The following BMPER variants were observed in gnomAD, a reference collection of about 807,000 sequenced individuals.
BMPER encodes BMP binding endothelial regulator.
Under a neutral mutation model 87.3 loss-of-function variants are expected in BMPER, and 45 were observed. The observed-to-expected ratio is 0.52, with a 90% CI of 0.41 to 0.66. The LOEUF is 0.66. BMPER is among the 30% of genes least tolerant of loss of function. The pLI is 0.00. For synonymous variants in BMPER, 326 were observed against 316.2 expected, an observed-to-expected ratio of 1.03 and a Z score of -0.33; for missense variants, 784 against 867.5, an observed-to-expected ratio of 0.90 and a Z score of 1.21.
In BMPER at chr7:34,056,064, A is replaced by T. The variant is rs545528830; in HGVS notation, c.927+761A>T. 5.9e-5 allele frequency among the ~76,000 whole-genome samples: 9 copies of T among 152,364 alleles called. No individual in the cohort carries two copies. The East Asian group carries it at 1.5e-3, about 26-fold the overall frequency. Reference sequence around the variant, plus strand: ...AGTCAGTTGTGGTAGCTCTGCAGGCATGCTGCACTGAGCCACACTTCCTAT... The same window carrying T: ...AGTCAGTTGTGGTAGCTCTGCAGGCTTGCTGCACTGAGCCACACTTCCTAT... On this transcript the variant is annotated intron_variant, in intron 9 of 14. Coordinates refer to ENST00000649409, the MANE Select transcript of BMPER (RefSeq NM_001365308.1).
At position 34,099,015 on chromosome 7, in the gene BMPER, G is replaced by C. The variant is rs527420192; in HGVS notation, c.1745+12923G>C. On this transcript the variant is annotated intron_variant, in intron 13 of 14. Coordinates refer to ENST00000649409, the MANE Select transcript of BMPER (RefSeq NM_001365308.1). ...TGATTGAACATGTGCGATGTGCCTG[G>C]AAGTCTGGGAAGCCTGATTTGTATT... Among the ~76,000 whole-genome samples, 8 of 152,314 alleles carry C rather than the reference G, an allele frequency of 5.3e-5. No individual in the cohort carries two copies. In the East Asian group the frequency reaches 1.5e-3, roughly 29 times the overall value.
chr7:34,071,680 T>A (rs1230147910), intron 11 of BMPER, among the ~76,000 whole-genome samples: 1 of 152,202 alleles, frequency 6.6e-6, no homozygotes, highest in Non-Finnish European at 1.5e-5. Context: ...ATGAACTGCA[T>A]ATTAACATTC....
At chr7:34,065,249 C>CCT (rs369918842) in intron 11 of BMPER, among the ~76,000 whole-genome samples, 9 of 58,494 alleles carry the variant, frequency 1.5e-4, no homozygotes, top group African/African-American at 3.0e-4. Context: ...TCTCTCTCTC[C>CCT]CTCTCTCTCT....
At position 34,113,701 on chromosome 7, in the gene BMPER, C is replaced by T. The variant is rs1031081593; in HGVS notation, c.1745+27609C>T. Reference sequence around the variant, plus strand: ...GTAGCGTGCCACAGGCTTTGTATATCTATTTCATGGGCTTCTAATAGTAAG... The same window carrying T: ...GTAGCGTGCCACAGGCTTTGTATATTTATTTCATGGGCTTCTAATAGTAAG... On this transcript the variant is annotated intron_variant, in intron 13 of 14. Coordinates refer to ENST00000649409, the MANE Select transcript of BMPER (RefSeq NM_001365308.1). 2.6e-5 allele frequency among the ~76,000 whole-genome samples: 4 copies of T among 152,066 alleles called. No individual in the cohort carries two copies. The East Asian group carries it at 7.7e-4, about 29-fold the overall frequency.
chr7:33,917,953 G>C (rs994756799), intron 2 of BMPER, among the ~76,000 whole-genome samples: 1 of 152,134 alleles, frequency 6.6e-6, no homozygotes. Context: ...AAAACCCAAA[G>C]CTGCTCTTCC....
chr7:34,029,394 C>A (rs1324370707), intron 6 of BMPER, among the ~76,000 whole-genome samples: 1 of 152,076 alleles, frequency 6.6e-6, no homozygotes, highest in Admixed American at 6.6e-5. Flanking sequence ...GCAATCTCCA[C>A]CCCTGCCTCA....
chr7:34,031,883 C>CATATAT (rs757962483), intron 6 of BMPER, among the ~76,000 whole-genome samples: 6 of 53,064 alleles, frequency 1.1e-4, no homozygotes, highest in Admixed American at 2.6e-4. Context: ...TTAATTTGAC[C>CATATAT]ATATATATAT....
At chr7:33,994,282 C>T (rs994479508) in intron 6 of BMPER, among the ~76,000 whole-genome samples, 12 of 152,192 alleles carry the variant, frequency 7.9e-5, no homozygotes, top group African/African-American at 2.4e-4. Flanking sequence ...ACTCCGTGGG[C>T]GTAGGACCCT....
intron 3 of BMPER, 158 bp downstream of exon 3, chr7:33,937,546 G>A: frequency 4.2e-6 from 3 of 711,588 alleles, no homozygotes; most frequent in Non-Finnish European, 7.4e-6. Flanking sequence ...GTATGTGTGT[G>A]TTTGTGTGTA....
At chr7:34,108,979 C>T (rs1211999673) in intron 13 of BMPER, among the ~76,000 whole-genome samples, 5 of 152,160 alleles carry the variant, frequency 3.3e-5, no homozygotes, top group African/African-American at 1.2e-4. Flanking sequence ...TCCAGAGAAA[C>T]AGAACCAATA....
intron 3 of BMPER, among the ~76,000 whole-genome samples, chr7:33,941,227 T>C (rs896860146): frequency 7.0e-6 from 1 of 143,128 alleles, no homozygotes; most frequent in African/African-American, 2.6e-5. Context: ...TTAATATAAA[T>C]ATATATTTAT....
chr7:33,995,871 C>T (rs1786396819), intron 6 of BMPER, among the ~76,000 whole-genome samples: 1 of 152,176 alleles, frequency 6.6e-6, no homozygotes, highest in South Asian at 2.1e-4. Flanking sequence ...GATCTGGCCC[C>T]ACTGAGGCCA....
chr7:33,939,608 G>A (rs1424257160), intron 3 of BMPER, among the ~76,000 whole-genome samples: 1 of 152,206 alleles, frequency 6.6e-6, no homozygotes, highest in Non-Finnish European at 1.5e-5. Flanking sequence ...ATTGAATCAT[G>A]AGGGTGGTTT....
intron 13 of BMPER, among the ~76,000 whole-genome samples, chr7:34,138,133 T>C (rs572645122): frequency 2.4e-4 from 36 of 152,362 alleles, no homozygotes; most frequent in Admixed American, 5.9e-4. Flanking sequence ...TTTTATTTAA[T>C]GGTAATTAAC....
chr7:33,971,011 C>G (rs1785530452), intron 5 of BMPER, among the ~76,000 whole-genome samples: 1 of 152,164 alleles, frequency 6.6e-6, no homozygotes, highest in Non-Finnish European at 1.5e-5. Context: ...CTTTTCCTGC[C>G]CTTACATACA....
At chr7:33,915,686 G>T (rs1043799815) in intron 2 of BMPER, among the ~76,000 whole-genome samples, 6 of 152,206 alleles carry the variant, frequency 3.9e-5, no homozygotes, top group Non-Finnish European at 5.9e-5. Context: ...ATTAACTGGG[G>T]TGATGGGAAT....
At chr7:34,075,750 T>C (rs1352814849) in intron 11 of BMPER, among the ~76,000 whole-genome samples, 1 of 152,184 alleles carries the variant, frequency 6.6e-6, no homozygotes, top group African/African-American at 2.4e-5. Context: ...GAAAAAATTA[T>C]ATGAGGATGC....
intron 6 of BMPER, among the ~76,000 whole-genome samples, chr7:34,016,339 C>G (rs559865846): frequency 6.6e-6 from 1 of 151,866 alleles, no homozygotes; most frequent in African/African-American, 2.4e-5. Flanking sequence ...TTGCAAGTGC[C>G]CATAATCCCT....
chr7:34,136,256 C>T (rs533194238), intron 13 of BMPER, among the ~76,000 whole-genome samples: 8 of 152,162 alleles, frequency 5.3e-5, no homozygotes, highest in Admixed American at 2.0e-4. Context: ...AGCTTCTGGC[C>T]GTGTTTTTCA....
Sources: gnomAD v4.1 joint callset for allele counts (sites outside exome capture counted in the v4.1 genomes callset) on GRCh38, gnomAD v4.1.1 for gene constraint, MANE v1.5 for transcripts, NCBI Gene and HGNC (gene_info 2026-07-23, HGNC 2026-07-21) for gene names.